Variants in SETBP1 observed in about 807,000 individuals in gnomAD.
SETBP1 encodes the protein SET binding protein 1.
Under a neutral mutation model 101.0 loss-of-function variants are expected in SETBP1, and 9 were observed. That is an observed-to-expected ratio of 0.09 (90% confidence interval 0.05 to 0.16). The LOEUF (loss-of-function observed/expected upper bound fraction) is 0.16. Among genes scored for constraint, SETBP1 ranks in the 10% least tolerant of loss-of-function variants. The pLI is 1.00. For missense variants in SETBP1, 1,858 were observed against 2,033.8 expected (o/e 0.91, Z 1.66); for synonymous variants, 818 against 788.5 (o/e 1.04, Z -0.63).
chr18:44,748,404 T>G (rs2070308563), intron 2 of SETBP1, among the ~76,000 whole-genome samples: 1 of 152,232 alleles, frequency 6.6e-6, no homozygotes, highest in African/African-American at 2.4e-5. Context: ...TGGTTTACTT[T>G]TCCAGAGGAG....
chr18:44,764,287 A>C (rs2070719136), intron 2 of SETBP1, among the ~76,000 whole-genome samples: 1 of 152,180 alleles, frequency 6.6e-6, no homozygotes, highest in South Asian at 2.1e-4. Flanking sequence ...ATTCTCCCCC[A>C]GACACCTGCA....
rs180795896 is a variant in SETBP1 at position 44,840,272 on chromosome 18, C to T, written c.487-28958C>T. Among the ~76,000 whole-genome samples the T allele has an allele frequency of 3.7e-4, 57 of 152,306 alleles. 1 individual carries two copies. The highest frequency in any genetic ancestry group is 2.9e-3 in the Admixed American group (45 of 15,300). On this transcript the variant is annotated intron_variant, in intron 2 of 5. Coordinates refer to ENST00000649279, the MANE Select transcript of SETBP1 (RefSeq NM_015559.3). ...ACATGAACTGACTTGTTTAGTTTCT[C>T]GCAGCCAATGAGCCAGCATGCCTTT...
intron 3 of SETBP1, chr18:44,872,255 A>T (rs575355768): frequency 9.2e-5 from 14 of 152,318 alleles, no homozygotes; most frequent in African/African-American, 3.1e-4. Context: ...AAAAGTTGTA[A>T]GTGTCCATTG....
chr18:44,906,327 G>A (rs1311659707), intron 3 of SETBP1, among the ~76,000 whole-genome samples: 1 of 152,154 alleles, frequency 6.6e-6, no homozygotes, highest in Non-Finnish European at 1.5e-5. Context: ...AGTAGTCCTA[G>A]CAGCCACTAA....
chr18:44,933,520 T>C (rs679621), intron 3 of SETBP1, among the ~76,000 whole-genome samples: 148,779 of 152,338 alleles, frequency 0.98, 72,737 homozygotes, highest in East Asian at 1. Context: ...TTTCTGCTGC[T>C]TTTTGTTCAG....
At chr18:44,817,698 GAAA>G (rs1228054505) in intron 2 of SETBP1, among the ~76,000 whole-genome samples, 2 of 139,468 alleles carry the variant, frequency 1.4e-5, no homozygotes, top group Admixed American at 1.4e-4. Context: ...AAAAAAAAAA[GAAA>G]AAAAAAAAGG....
rs190090871 is a variant in SETBP1, at chr18:44,909,230, A to G, written c.540+39947A>G. ...AACTGCTGGCAGTGTGTAGAGAATT[A>G]GACTGAAAGTGGCTTGTCTTCAGAG... On this transcript the variant is annotated intron_variant, in intron 3 of 5. Transcript: ENST00000649279. 1.4e-4 allele frequency among the ~76,000 whole-genome samples: 22 copies of G among 152,350 alleles called. No homozygotes were observed. In the East Asian group the frequency reaches 4.2e-3, roughly 29 times the overall value.
intron 3 of SETBP1, among the ~76,000 whole-genome samples, chr18:44,875,552 G>A (rs753701333): frequency 1.4e-3 from 112 of 82,768 alleles, no homozygotes; most frequent in Admixed American, 1.2e-3. Context: ...AAAAAAAAAA[G>A]AAGGAGTGAA....
intron 3 of SETBP1, among the ~76,000 whole-genome samples, chr18:44,908,532 A>AGTTCTGTTCGTC (rs1318898212): frequency 6.6e-6 from 1 of 152,182 alleles, no homozygotes; most frequent in Non-Finnish European, 1.5e-5. Flanking sequence ...CTGGACAATC[A>AGTTCTGTTCGTC]GTTCTGTTCT....
chr18:44,825,693 G>T (rs2072223089), intron 2 of SETBP1, among the ~76,000 whole-genome samples: 1 of 152,202 alleles, frequency 6.6e-6, no homozygotes, highest in Non-Finnish European at 1.5e-5. Context: ...GTAGTTTTAT[G>T]GATGATGCAG....
intron 4 of SETBP1, among the ~76,000 whole-genome samples, chr18:44,967,298 C>G (rs1345421855): frequency 6.6e-6 from 1 of 152,202 alleles, no homozygotes; most frequent in Non-Finnish European, 1.5e-5. Context: ...AAAGGGCAGT[C>G]ATCACCATCC....
chr18:44,769,560 T>A (rs1479678353), intron 2 of SETBP1, among the ~76,000 whole-genome samples: 21 of 152,250 alleles, frequency 1.4e-4, no homozygotes. Context: ...CTTCTTTTCT[T>A]CTATGTTAGG....
chr18:44,953,979 G>A (rs1167187057), intron 4 of SETBP1, among the ~76,000 whole-genome samples: 1 of 152,136 alleles, frequency 6.6e-6, no homozygotes, highest in Non-Finnish European at 1.5e-5. Context: ...TCATTTTCGT[G>A]CACTAAGTGG....
rs1267110787 is a variant in SETBP1 at position 44,951,013 on chromosome 18, C to T, written c.1673C>T (p.Pro558Leu). The T allele has an allele frequency of 2.5e-6, 4 of 1,614,006 alleles. No homozygotes were observed. The highest frequency in any genetic ancestry group is 2.5e-6 in the Non-Finnish European group (3 of 1,180,018). The change falls in exon 4 of 6, where the codon CCC (proline) becomes CTC (leucine). Residue 558 changes from proline to leucine, a missense_variant. Physicochemically the swap from Pro to Leu is moderately conservative, Grantham distance 98 (BLOSUM62 -3). Coordinates refer to ENST00000649279, the MANE Select transcript of SETBP1 (RefSeq NM_015559.3). The surrounding 1 kb of genome is among the most constrained non-coding windows in gnomAD (Gnocchi z 7.8). ...ACCTCTGATAAACTGATGCTGGAGC[C>T]CCCGTCTGCATATCCCATCACCCCA... ...MATSDKLMLE[P>L]PSAYPITPSS...
chr18:44,763,389 A>G (rs1411100286), intron 2 of SETBP1, among the ~76,000 whole-genome samples: 3 of 152,216 alleles, frequency 2.0e-5, no homozygotes, highest in Non-Finnish European at 2.9e-5. Context: ...CACCTCTACA[A>G]TAAGAAAAGG....
At chr18:44,722,027 T>A (rs1012775678) in intron 2 of SETBP1, among the ~76,000 whole-genome samples, 3 of 152,214 alleles carry the variant, frequency 2.0e-5, no homozygotes, top group Non-Finnish European at 2.9e-5. Flanking sequence ...TGAGAGGGCA[T>A]CTGCGTGGAC....
intron 3 of SETBP1, among the ~76,000 whole-genome samples, chr18:44,945,057 T>G (rs1490968505): frequency 6.6e-6 from 1 of 152,208 alleles, no homozygotes; most frequent in Non-Finnish European, 1.5e-5. Flanking sequence ...CATGCAGGTT[T>G]GTTACATATG....
intron 3 of SETBP1, among the ~76,000 whole-genome samples, chr18:44,914,674 A>G (rs2070387090): frequency 6.6e-6 from 1 of 152,190 alleles, no homozygotes; most frequent in Non-Finnish European, 1.5e-5. Context: ...CACAGCCTTT[A>G]GACTGAGGTG....
At chr18:44,804,986 C>T (rs897227919) in intron 2 of SETBP1, among the ~76,000 whole-genome samples, 2 of 152,026 alleles carry the variant, frequency 1.3e-5, no homozygotes, top group Non-Finnish European at 2.9e-5. Context: ...ATGGGAAATT[C>T]CTCTGTAAGC....
Sources: gnomAD v4.1 joint callset for allele counts (sites outside exome capture counted in the v4.1 genomes callset) on GRCh38, gnomAD v4.1.1 for gene constraint, Gnocchi (gnomAD v3.1) non-coding constraint, MANE v1.5 for transcripts, NCBI Gene and HGNC (gene_info 2026-07-23, HGNC 2026-07-21) for gene names.